Variants in PPFIBP1 observed in about 807,000 individuals in gnomAD.
PPFIBP1 encodes the protein PPFIB scaffold protein 1, also known as liprin-beta-1.
PPFIBP1 carries 112 observed loss-of-function variants against 137.8 expected under a neutral mutation model. The ratio of observed to expected loss-of-function variants is 0.81; its 90% CI spans 0.70 to 0.95. PPFIBP1 has a LOEUF of 0.95. Ranked by LOEUF, PPFIBP1 falls within the 40% of genes least tolerant of loss-of-function variation. PPFIBP1 has a pLI of 0.00. For synonymous variants in PPFIBP1, 378 were observed against 417.3 expected (o/e 0.91, Z 1.15); for missense variants, 1,083 against 1,196.6 (o/e 0.91, Z 1.40).
At chr12:27,612,830 T>C (rs1356407067) in intron 2 of PPFIBP1, among the ~76,000 whole-genome samples, 1 of 152,146 alleles carries the variant, frequency 6.6e-6, no homozygotes, top group Non-Finnish European at 1.5e-5. Context: ...GGGTCAAATT[T>C]TGTCTCTCCT....
At chr12:27,532,966 G>C (rs1157203598) in intron 1 of PPFIBP1, among the ~76,000 whole-genome samples, 1 of 151,832 alleles carries the variant, frequency 6.6e-6, no homozygotes, top group Non-Finnish European at 1.5e-5. Flanking sequence ...GGAGGGAGAA[G>C]GACAGAACAC....
At chr12:27,551,916 C>T (rs1054666945) in intron 1 of PPFIBP1, among the ~76,000 whole-genome samples, 4 of 152,082 alleles carry the variant, frequency 2.6e-5, no homozygotes, top group African/African-American at 7.2e-5. Flanking sequence ...TAGAAGACAC[C>T]GAAAGAGCCT....
intron 2 of PPFIBP1, among the ~76,000 whole-genome samples, chr12:27,605,721 G>A (rs2054461429): frequency 6.6e-6 from 1 of 152,138 alleles, no homozygotes; most frequent in South Asian, 2.1e-4. Flanking sequence ...CGCAGTTTTG[G>A]TGGTGGTTTC....
intron 1 of PPFIBP1, among the ~76,000 whole-genome samples, chr12:27,559,384 G>A (rs1248818582): frequency 6.6e-6 from 1 of 152,044 alleles, no homozygotes; most frequent in Non-Finnish European, 1.5e-5. Flanking sequence ...GGTCAGGCTG[G>A]TCTCGAACTC....
intron 2 of PPFIBP1, among the ~76,000 whole-genome samples, chr12:27,587,708 C>T (rs2051953829): frequency 6.7e-6 from 1 of 148,748 alleles, no homozygotes; most frequent in African/African-American, 2.5e-5. Context: ...TACTTATTTA[C>T]TAGAGCTTTT....
chr12:27,624,765 G>C (rs1434842613), intron 2 of PPFIBP1, among the ~76,000 whole-genome samples: 1 of 152,148 alleles, frequency 6.6e-6, no homozygotes, highest in African/African-American at 2.4e-5. Context: ...GTGTGTGTTT[G>C]TATTTGTGAG....
At chr12:27,559,708 T>C (rs2049004741) in intron 1 of PPFIBP1, among the ~76,000 whole-genome samples, 2 of 152,216 alleles carry the variant, frequency 1.3e-5, no homozygotes, top group Admixed American at 1.3e-4. Context: ...CCTGTGGTAT[T>C]TGAAAACCTA....
intron 1 of PPFIBP1, chr12:27,538,280 A>T (rs1945273752): frequency 6.6e-6 from 1 of 152,266 alleles, no homozygotes; most frequent in Non-Finnish European, 1.5e-5. Context: ...TCACTCGTGC[A>T]GGAACTTTGC....
chr12:27,646,781 A>G (rs2058530296), intron 5 of PPFIBP1, among the ~76,000 whole-genome samples: 2 of 152,118 alleles, frequency 1.3e-5, no homozygotes, highest in Admixed American at 6.6e-5. Context: ...CTTCACAAAC[A>G]TTTTTCTTTG....
chr12:27,681,500 G>T (rs1294524427), intron 21 of PPFIBP1, 46 bp from the exon 22 acceptor site: 1 of 1,585,024 alleles, frequency 6.3e-7, no homozygotes, highest in East Asian at 2.2e-5. Context: ...TAAGCCACAG[G>T]ATTGGCTTTG....
intron 2 of PPFIBP1, among the ~76,000 whole-genome samples, chr12:27,596,071 TACACACACACACACAC>T (rs376577510): frequency 7.7e-6 from 1 of 130,706 alleles, no homozygotes; most frequent in Non-Finnish European, 1.6e-5. Context: ...TGGGTATAAA[TACACACACACACACAC>T]ACACACACAC....
rs114021919 is a variant in PPFIBP1 at position 27,577,342 on chromosome 12, T to C, written c.-123-810T>C. On this transcript the variant is annotated intron_variant, in intron 1 of 29. Transcript: ENST00000228425. Reference sequence around the variant, plus strand: ...GTTAATGAATCCTCACAAGGACAGATAGAAGGAAGGAAACAGCCACATCCA... The same window carrying C: ...GTTAATGAATCCTCACAAGGACAGACAGAAGGAAGGAAACAGCCACATCCA... Among the ~76,000 whole-genome samples, 999 of 152,164 alleles carry C rather than the reference T, an allele frequency of 6.6e-3. 8 individuals are homozygous for C. The highest frequency in any genetic ancestry group is 0.023 in the African/African-American group (946 of 41,498).
rs140258107 is a variant in PPFIBP1, at chr12:27,527,284, T to C, written c.-124+2919T>C. 6.4e-4 allele frequency among the ~76,000 whole-genome samples: 98 copies of C among 152,144 alleles called. 1 individual carries two copies. In the East Asian group the frequency reaches 0.018, roughly 28 times the overall value. ...TTTTTTTTGAGACAGGGTCTCGCTC[T>C]GCCGCCCTGGATGGAGTGCAGTGGT... On this transcript the variant is annotated intron_variant, in intron 1 of 29. Transcript: ENST00000228425.
intron 18 of PPFIBP1, 80 bp downstream of exon 18, chr12:27,676,679 C>A (rs982157318): frequency 2.4e-6 from 3 of 1,273,322 alleles, no homozygotes; most frequent in Non-Finnish European, 3.3e-6. Flanking sequence ...CTTACTCTTT[C>A]ATTCATTGAT....
chr12:27,549,450 T>C (rs758783043), intron 1 of PPFIBP1: 1 of 152,134 alleles, frequency 6.6e-6, no homozygotes, highest in South Asian at 2.1e-4. Flanking sequence ...TGACTTTTCA[T>C]TGTGACTCAC....
At chr12:27,634,294 T>A (rs753206911) in intron 3 of PPFIBP1, among the ~76,000 whole-genome samples, 1 of 152,040 alleles carries the variant, frequency 6.6e-6, no homozygotes, top group Non-Finnish European at 1.5e-5. Flanking sequence ...CTCAAGTACC[T>A]GCGATTACAG....
At chr12:27,602,476 G>A (rs936202791) in intron 2 of PPFIBP1, among the ~76,000 whole-genome samples, 4 of 152,154 alleles carry the variant, frequency 2.6e-5, no homozygotes, top group Non-Finnish European at 4.4e-5. Context: ...AATATTAACT[G>A]TAGTCACCAT....
chr12:27,670,793 A>AT (rs1195603298), intron 13 of PPFIBP1, among the ~76,000 whole-genome samples: 164 of 147,336 alleles, frequency 1.1e-3, no homozygotes, highest in African/African-American at 2.1e-3. Context: ...AAAAAAAAAA[A>AT]AAATAATAAT....
chr12:27,647,617 T>C (rs1214756134), intron 5 of PPFIBP1, 112 bp from the exon 6 acceptor site: 28 of 648,038 alleles, frequency 4.3e-5, no homozygotes, highest in South Asian at 9.2e-5. Flanking sequence ...TTTTTCTTTA[T>C]AACCGTATGA....
Sources: gnomAD v4.1 joint callset for allele counts (sites outside exome capture counted in the v4.1 genomes callset) on GRCh38, gnomAD v4.1.1 for gene constraint, MANE v1.5 for transcripts, NCBI Gene and HGNC (gene_info 2026-07-23, HGNC 2026-07-21) for gene names.